CBR4: variants seen among roughly 807,000 people sequenced by gnomAD.
The protein encoded by CBR4 is carbonyl reductase 4.
A neutral mutation model predicts 21.0 loss-of-function variants in CBR4; 22 were observed. That is an observed-to-expected ratio of 1.05 (90% confidence interval 0.75 to 1.50). The LOEUF is 1.50. CBR4 is among the 40% of genes most tolerant of loss of function. CBR4 has a pLI of 0.00. For synonymous variants in CBR4, 100 were observed against 104.4 expected (o/e 0.96, Z 0.26); for missense variants, 302 against 286.3 (o/e 1.05, Z -0.40).
chr4:168,993,279 A>T (rs1962681), intron 4 of CBR4, among the ~76,000 whole-genome samples: 8 of 150,180 alleles, frequency 5.3e-5, no homozygotes, highest in South Asian at 2.1e-4. Flanking sequence ...GGTGCGATCT[A>T]GGCTCACCGC....
chr4:168,923,845 T>C (rs1762058051), intron 2 of CBR4, among the ~76,000 whole-genome samples: 1 of 152,160 alleles, frequency 6.6e-6, no homozygotes, highest in Non-Finnish European at 1.5e-5. Context: ...GGAATCTAAG[T>C]GGTCAAATTC....
In CBR4 at chr4:168,994,353, C is replaced by T. The variant is rs552103956; in HGVS notation, c.536-4025G>A. 9.2e-5 allele frequency among the ~76,000 whole-genome samples: 14 copies of T among 152,268 alleles called. No individual in the cohort carries two copies. In the South Asian group the frequency reaches 2.3e-3, roughly 25 times the overall value. ...GGCCAGGTGTTCCTTGCCCTCATTC[C>T]GGTAAACCCACAAACTTCAGCATGG... On this transcript the variant is annotated intron_variant, in intron 4 of 4. Transcript: ENST00000306193.
chr4:168,990,212 C>G lies in CBR4; in HGVS notation c.652G>C (p.Glu218Gln). The change falls in exon 5 of 5, where the codon GAA (glutamate) becomes CAA (glutamine). Residue 218 changes from glutamate (E) to glutamine (Q), a missense_variant. Glu to Gln is a conservative substitution (Grantham distance 29, BLOSUM62 2). Coordinates refer to ENST00000306193, the MANE Select transcript of CBR4 (RefSeq NM_032783.5). ...EVAHAVVFLL[E>Q]SPYITGHVLV... Reference sequence around the variant, plus strand: ...ACATGCCCTGTAATATACGGTGATTCTAAAAGAAACACAACCGCATGTGCC... The same window carrying G: ...ACATGCCCTGTAATATACGGTGATTGTAAAAGAAACACAACCGCATGTGCC... The G allele has an allele frequency of 6.2e-7, 1 of 1,613,296 alleles. No homozygotes were observed. Among genetic ancestry groups the G allele is most frequent in the Non-Finnish European group, 8.5e-7 (1 of 1,179,588 alleles).
At position 169,010,034 on chromosome 4, in the gene CBR4, GC is replaced by G; in HGVS notation, c.55del (p.Ala19ProfsTer3). 6.2e-7 allele frequency: 1 copy of G among 1,613,952 alleles called. No homozygotes were observed. The highest frequency in any genetic ancestry group is 1.3e-5 in the African/African-American group (1 of 74,990). ...GGSRGIGRAV[A>X]QLMARKGYRL... is the part of the protein sequence containing the mutation. ...GTAGCCTTTCCGGGCCATTAACTGG[GC>G]CACAGCTCTGCCAATGCCTCGGGAG... On this transcript the variant is annotated frameshift_variant, in exon 1 of 5. Transcript: ENST00000306193. LOFTEE classifies it high-confidence loss of function.
chr4:168,999,030 T>C (rs1295559591), intron 4 of CBR4, among the ~76,000 whole-genome samples: 1 of 152,162 alleles, frequency 6.6e-6, no homozygotes, highest in African/African-American at 2.4e-5. Flanking sequence ...CATTACAGTT[T>C]CCATTTATCA....
intron 2 of CBR4, among the ~76,000 whole-genome samples, chr4:168,981,024 G>A (rs1466438222): frequency 1.3e-5 from 2 of 152,188 alleles, no homozygotes; most frequent in African/African-American, 4.8e-5. Context: ...CGAGATTCAG[G>A]AGACAACTGA....
At chr4:168,973,539 G>T (rs981291153) in intron 2 of CBR4, among the ~76,000 whole-genome samples, 2 of 152,154 alleles carry the variant, frequency 1.3e-5, no homozygotes, top group Admixed American at 6.5e-5. Context: ...TGTTGGTCAG[G>T]TTGGTCTCAA....
intron 2 of CBR4, among the ~76,000 whole-genome samples, chr4:168,966,549 G>T (rs932053131): frequency 6.6e-6 from 1 of 151,536 alleles, no homozygotes; most frequent in Admixed American, 6.6e-5. Context: ...AAAGAAAAAA[G>T]CCAGGAAACA....
At chr4:168,925,766 T>A (rs1450971489) in intron 2 of CBR4, among the ~76,000 whole-genome samples, 1 of 152,152 alleles carries the variant, frequency 6.6e-6, no homozygotes, top group Non-Finnish European at 1.5e-5. Context: ...TATGTGAGGG[T>A]CATCAAGAAA....
intron 2 of CBR4, among the ~76,000 whole-genome samples, chr4:168,968,636 T>G (rs903175743): frequency 6.6e-6 from 1 of 152,204 alleles, no homozygotes; most frequent in Non-Finnish European, 1.5e-5. Flanking sequence ...CTTGATTGAA[T>G]GTACTGTAAT....
At chr4:168,999,444 A>G (rs190094755) in intron 4 of CBR4, among the ~76,000 whole-genome samples, 1 of 152,192 alleles carries the variant, frequency 6.6e-6, no homozygotes, top group East Asian at 1.9e-4. Flanking sequence ...CTGACAAATG[A>G]TGCATATTCA....
At chr4:168,919,954 T>C (rs769452160) in intron 2 of CBR4, among the ~76,000 whole-genome samples, 19 of 152,068 alleles carry the variant, frequency 1.2e-4, no homozygotes, top group Admixed American at 2.6e-4. Context: ...GTAGGTTCAC[T>C]GTGAATCACG....
downstream of CBR4, among the ~76,000 whole-genome samples, chr4:168,984,956 A>C (rs1764642765): frequency 6.6e-6 from 1 of 152,156 alleles, no homozygotes; most frequent in African/African-American, 2.4e-5. Flanking sequence ...AGCTACAAAA[A>C]CCCTAGAAGA....
At chr4:168,973,265 T>G (rs1764265238) in intron 2 of CBR4, among the ~76,000 whole-genome samples, 1 of 152,234 alleles carries the variant, frequency 6.6e-6, no homozygotes, top group Non-Finnish European at 1.5e-5. Context: ...TTCCTAGTTT[T>G]GGTATATGGG....
At chr4:168,978,262 T>C (rs1033874556) in intron 2 of CBR4, among the ~76,000 whole-genome samples, 1 of 152,186 alleles carries the variant, frequency 6.6e-6, no homozygotes, top group African/African-American at 2.4e-5. Flanking sequence ...CCTCTGTGTC[T>C]GTGTGATCAC....
At position 169,010,074 on chromosome 4, in the gene CBR4, C is replaced by T; in HGVS notation, c.16G>A (p.Ala6Thr). Residue 6 changes from alanine to threonine, a missense_variant, in exon 1 of 5, where the codon GCT becomes ACT. Transcript: ENST00000306193. MDKVCAVFGGSRGIGR... is the reference protein window; with the variant it reads MDKVCTVFGGSRGIGR... ...ATGCCTCGGGAGCCTCCAAAAACAG[C>T]ACACACTTTGTCCATCTCGGAGTCA... 1.2e-6 allele frequency: 2 copies of T among 1,613,290 alleles called. No individual in the cohort carries two copies. Among genetic ancestry groups the T allele is most frequent in the Non-Finnish European group, 1.7e-6 (2 of 1,179,740 alleles).
At chr4:168,906,366 G>T (rs1443733993) in intron 2 of CBR4, among the ~76,000 whole-genome samples, 3 of 152,122 alleles carry the variant, frequency 2.0e-5, no homozygotes, top group Admixed American at 2.0e-4. Context: ...TTTTACATGT[G>T]GAAAAGTTCT....
chr4:168,923,091 A>G lies in CBR4; in HGVS notation n.170-28326T>C, dbSNP rs565158347. Reference sequence around the variant, plus strand: ...TAGTACCCTGCACAGCAATGCTGCAAAGTGGTAGATGTTATTCTTACTGAT... The same window carrying G: ...TAGTACCCTGCACAGCAATGCTGCAGAGTGGTAGATGTTATTCTTACTGAT... On this transcript the variant is annotated intron_variant and non_coding_transcript_variant, in intron 2 of 3. Coordinates refer to the CBR4 transcript ENST00000509108. 5.9e-5 allele frequency among the ~76,000 whole-genome samples: 9 copies of G among 152,356 alleles called. No individual in the cohort carries two copies. In the South Asian group the frequency reaches 1.5e-3, roughly 25 times the overall value.
chr4:168,952,617 T>G (rs1763573003), intron 2 of CBR4, among the ~76,000 whole-genome samples: 1 of 152,144 alleles, frequency 6.6e-6, no homozygotes, highest in Non-Finnish European at 1.5e-5. Context: ...GTTCCCTTGA[T>G]GTAGCACTCT....
Sources: allele counts gnomAD v4.1 joint callset (sites outside exome capture counted in the v4.1 genomes callset), GRCh38; gene constraint gnomAD v4.1.1; transcripts MANE v1.5; gene names NCBI Gene and HGNC (gene_info 2026-07-23, HGNC 2026-07-21).